Variants in LDB2 observed in about 807,000 individuals in gnomAD.
The protein encoded by LDB2 is LIM domain-binding protein 2.
Under a neutral mutation model 44.3 loss-of-function variants are expected in LDB2, and 12 were observed. The ratio of observed to expected loss-of-function variants is 0.27; its 90% CI spans 0.17 to 0.44. LDB2 has a LOEUF of 0.44. Among genes scored for constraint, LDB2 ranks in the 20% least tolerant of loss-of-function variants. LDB2 has a pLI of 1.00. For missense variants in LDB2, 344 were observed against 473.5 expected (o/e 0.73, Z 2.54); for synonymous variants, 164 against 174.8 (o/e 0.94, Z 0.49).
intron 2 of LDB2, among the ~76,000 whole-genome samples, chr4:16,628,525 T>C (rs1462850740): frequency 6.6e-6 from 1 of 152,164 alleles, no homozygotes; most frequent in Non-Finnish European, 1.5e-5. Flanking sequence ...CTTCTCAACT[T>C]TTTTTGCCTG....
At chr4:16,594,656 T>A (rs13126531) in intron 3 of LDB2, among the ~76,000 whole-genome samples, 45,692 of 152,128 alleles carry the variant, frequency 0.3, 6,977 homozygotes, top group South Asian at 0.35. Context: ...AATGAATAAA[T>A]AAGAAACATT....
At chr4:16,567,415 T>C (rs1336790697) in intron 5 of LDB2, among the ~76,000 whole-genome samples, 7 of 150,614 alleles carry the variant, frequency 4.6e-5, no homozygotes, top group Admixed American at 6.6e-5. Context: ...TGTGCATGCG[T>C]GTGTGTGTGT....
chr4:16,665,624 T>C (rs1416620120), intron 2 of LDB2, among the ~76,000 whole-genome samples: 1 of 152,120 alleles, frequency 6.6e-6, no homozygotes. Flanking sequence ...AGTGGCTGAA[T>C]CCTACCTGAG....
rs71589671 is a variant in LDB2 at position 16,592,465 on chromosome 4, CATATATATAT to C, written c.408+3228_408+3237del. ...AACGCATTCATATGCATTATACATA[CATATATATAT>C]ATATATATATATATATATATATATA... On this transcript the variant is annotated intron_variant, in intron 3 of 7. Coordinates refer to ENST00000304523, the MANE Select transcript of LDB2 (RefSeq NM_001290.5). Among the ~76,000 whole-genome samples the C allele has an allele frequency of 1.8e-3, 214 of 116,598 alleles. 2 individuals are homozygous for C. Among genetic ancestry groups the C allele is most frequent in the East Asian group, 5.7e-3 (24 of 4,232 alleles). The allele number at this position is 116,598 out of a possible 152,430, so 76.5% of individuals were successfully genotyped here. A position where few individuals can be genotyped will look rare whatever the true frequency, so the allele number is the denominator to read the frequency against.
At chr4:16,683,666 A>G (rs1748493406) in intron 2 of LDB2, among the ~76,000 whole-genome samples, 1 of 152,254 alleles carries the variant, frequency 6.6e-6, no homozygotes, top group African/African-American at 2.4e-5. Context: ...TCACCTTACG[A>G]AGGTGCCAGG....
In LDB2 at chr4:16,582,297, G is replaced by A. The variant is rs1715010440; in HGVS notation, c.615+3625C>T. Among the ~76,000 whole-genome samples, 1 of 152,206 alleles carries A rather than the reference G, an allele frequency of 6.6e-6. No individual in the cohort carries two copies. Among genetic ancestry groups the A allele is most frequent in the Non-Finnish European group, 1.5e-5 (1 of 68,036 alleles). On this transcript the variant is annotated intron_variant, in intron 5 of 7. Transcript: ENST00000304523. The surrounding 1 kb of genome is among the most constrained non-coding windows in gnomAD (Gnocchi z 4.8). Reference sequence around the variant, plus strand: ...AATAAATGGGCAAACAGGATCTGGTGGGAACTGACAAGGCTCCACAGCCAG... The same window carrying A: ...AATAAATGGGCAAACAGGATCTGGTAGGAACTGACAAGGCTCCACAGCCAG...
chr4:16,590,656 C>T (rs59438054), intron 3 of LDB2, among the ~76,000 whole-genome samples: 45,731 of 152,082 alleles, frequency 0.3, 6,977 homozygotes, highest in South Asian at 0.35. Context: ...GTGCCATCTT[C>T]GTCTTATCAA....
chr4:16,560,852 C>G (rs1741879899), intron 5 of LDB2, among the ~76,000 whole-genome samples: 1 of 152,152 alleles, frequency 6.6e-6, no homozygotes, highest in Non-Finnish European at 1.5e-5. Flanking sequence ...AGCAGCACAT[C>G]AAAAAGCTTA....
At chr4:16,722,714 T>C (rs1237636063) in intron 2 of LDB2, among the ~76,000 whole-genome samples, 1 of 152,136 alleles carries the variant, frequency 6.6e-6, no homozygotes, top group Non-Finnish European at 1.5e-5. Context: ...CCATGGTTTG[T>C]TCATCTCTGT....
chr4:16,626,054 T>C (rs1578292985), intron 2 of LDB2, among the ~76,000 whole-genome samples: 1 of 152,184 alleles, frequency 6.6e-6, no homozygotes, highest in East Asian at 1.9e-4. Context: ...CACTGCATAT[T>C]TGATTGAACC....
Position 16,508,580 on chromosome 4 carries a change from C to T in LDB2, c.846G>A (p.Lys282=), listed in dbSNP as rs760262125. ...TCAGGTTTGCAGCTGTGGTCTTCTT[C>T]TTGCTGCCAGTGCTGTTTGCATTGT... ...AGNNANSTGS[K]KKTTAANLSL... is the part of the protein sequence containing the mutation. Residue 282 remains lysine (K), a synonymous_variant, in exon 7 of 8, where the codon AAG becomes AAA. Coordinates refer to ENST00000304523, the MANE Select transcript of LDB2 (RefSeq NM_001290.5). The T allele has an allele frequency of 1.4e-5, 23 of 1,612,710 alleles. 1 individual carries two copies. The Admixed American group carries it at 3.8e-4, about 27-fold the overall frequency.
chr4:16,690,939 G>T (rs1184901666), intron 2 of LDB2, among the ~76,000 whole-genome samples: 1 of 152,122 alleles, frequency 6.6e-6, no homozygotes, highest in Non-Finnish European at 1.5e-5. Flanking sequence ...ATGTCTCAAG[G>T]AAGCCATCTC....
At chr4:16,775,998 G>T (rs1170979661) in intron 1 of LDB2, among the ~76,000 whole-genome samples, 2 of 152,204 alleles carry the variant, frequency 1.3e-5, no homozygotes, top group Non-Finnish European at 2.9e-5. Context: ...GTCAACTAGA[G>T]ATCACAACTT....
At chr4:16,554,487 G>A (rs372501896) in intron 5 of LDB2, among the ~76,000 whole-genome samples, 3 of 152,122 alleles carry the variant, frequency 2.0e-5, no homozygotes, top group Non-Finnish European at 4.4e-5. Flanking sequence ...CATGAAGCCG[G>A]AGTGTTTTTT....
chr4:16,788,442 T>A lies in LDB2; in HGVS notation c.133-29182A>T, dbSNP rs563550098. On this transcript the variant is annotated intron_variant, in intron 1 of 7. Transcript: ENST00000304523. ...CTTGCTATGCTGATTCTTCAAATGC[T>A]AATCCCTCCTGTTCCTGGGAGAGTA... 2.3e-4 allele frequency among the ~76,000 whole-genome samples: 35 copies of A among 152,366 alleles called. No homozygotes were observed. The South Asian group carries it at 7.0e-3, about 31-fold the overall frequency.
chr4:16,835,660 T>C (rs1367846657), intron 1 of LDB2, among the ~76,000 whole-genome samples: 1 of 152,260 alleles, frequency 6.6e-6, no homozygotes, highest in Non-Finnish European at 1.5e-5. Context: ...AGTTTTACTT[T>C]ACAAGGAACA....
At chr4:16,770,955 A>G (rs1455614351) in intron 1 of LDB2, among the ~76,000 whole-genome samples, 1 of 152,212 alleles carries the variant, frequency 6.6e-6, no homozygotes, top group Non-Finnish European at 1.5e-5. Context: ...GATGCAGGAT[A>G]ATGTCATGAG....
intron 5 of LDB2, among the ~76,000 whole-genome samples, chr4:16,585,064 G>A (rs1716266517): frequency 6.6e-6 from 1 of 152,184 alleles, no homozygotes; most frequent in Non-Finnish European, 1.5e-5. Flanking sequence ...ATGCCCAGCA[G>A]TACAGAGCAG....
chr4:16,542,847 C>A (rs1420430821), intron 5 of LDB2, among the ~76,000 whole-genome samples: 1 of 151,906 alleles, frequency 6.6e-6, no homozygotes, highest in Non-Finnish European at 1.5e-5. Flanking sequence ...CATACGTATA[C>A]ATGTGCCATG....
Sources: allele counts gnomAD v4.1 joint callset (sites outside exome capture counted in the v4.1 genomes callset), GRCh38; gene constraint gnomAD v4.1.1; non-coding constraint Gnocchi (gnomAD v3.1); transcripts MANE v1.5; gene names NCBI Gene and HGNC (gene_info 2026-07-23, HGNC 2026-07-21).